PRPS2: variants seen among roughly 807,000 people sequenced by gnomAD.
The protein encoded by PRPS2 is ribose-phosphate pyrophosphokinase 2.
For synonymous variants in PRPS2, 111 were observed against 115.3 expected, an observed-to-expected ratio of 0.96 and a Z score of 0.24; for missense variants, 104 against 271.5, an observed-to-expected ratio of 0.38 and a Z score of 4.34.
At position 12,791,593 on chromosome X, in the gene PRPS2, G is replaced by A; in HGVS notation, c.96G>A (p.Thr32=). The A allele has an allele frequency of 8.4e-7, 1 of 1,188,284 alleles. No individual in the cohort carries two copies. Among genetic ancestry groups the A allele is most frequent in the Non-Finnish European group, 1.1e-6 (1 of 884,636 alleles). The part of the protein sequence containing the change: ...RLGLELGKVV[T]KKFSNQETSV... ...GCCTGGAGCTGGGCAAGGTGGTCACGAAGAAGTTCAGCAACCAGGAGACCA... is the reference window on the plus strand; with the variant it reads ...GCCTGGAGCTGGGCAAGGTGGTCACAAAGAAGTTCAGCAACCAGGAGACCA... Residue 32 remains threonine (T), a synonymous_variant, in exon 1 of 7, where the codon ACG becomes ACA. Coordinates refer to ENST00000380668, the MANE Select transcript of PRPS2 (RefSeq NM_002765.5).
At chrX:12,794,457 T>C (rs2147213263) in intron 1 of PRPS2, among the ~76,000 whole-genome samples, 1 of 112,038 alleles carries the variant, frequency 8.9e-6, no homozygotes, top group African/African-American at 3.2e-5. Flanking sequence ...TTCTGTCATA[T>C]GCTGTTGGGC....
At chrX:12,808,279 A>G (rs1319832383) in intron 2 of PRPS2, among the ~76,000 whole-genome samples, 2 of 81,848 alleles carry the variant, frequency 2.4e-5, no homozygotes, top group African/African-American at 4.5e-5. Flanking sequence ...GTGTTTTTAC[A>G]TGAATATACT....
chrX:12,803,658 C>G (rs762060624), intron 2 of PRPS2, among the ~76,000 whole-genome samples: 2 of 112,339 alleles, frequency 1.8e-5, no homozygotes, highest in East Asian at 5.6e-4. Flanking sequence ...AGGATAATCT[C>G]CCCATCTCAG....
chrX:12,809,405 G>A, intron 3 of PRPS2, 73 bp downstream of exon 3: 1 of 1,026,026 alleles, frequency 9.7e-7, no homozygotes. Context: ...AACATTACTT[G>A]TGTTTGAGTT....
At chrX:12,814,074 G>A (rs1209735899) in intron 4 of PRPS2, among the ~76,000 whole-genome samples, 3 of 82,983 alleles carry the variant, frequency 3.6e-5, no homozygotes, top group African/African-American at 1.6e-4. Context: ...CCCCACCCCC[G>A]ACTCTACTGT....
intron 4 of PRPS2, among the ~76,000 whole-genome samples, chrX:12,815,770 A>G (rs1292580792): frequency 9.0e-6 from 1 of 110,918 alleles, no homozygotes; most frequent in Admixed American, 9.5e-5. Flanking sequence ...CAGCCTCCCA[A>G]GTAGCTGGGG....
intron 4 of PRPS2, among the ~76,000 whole-genome samples, chrX:12,810,691 G>T (rs1411802360): frequency 9.1e-6 from 1 of 110,297 alleles, no homozygotes; most frequent in Non-Finnish European, 1.9e-5. Flanking sequence ...CCCCCATAAA[G>T]AAGGGAGTTA....
chrX:12,817,206 G>C (rs909912264), intron 4 of PRPS2, among the ~76,000 whole-genome samples: 1 of 110,719 alleles, frequency 9.0e-6, no homozygotes, highest in African/African-American at 3.3e-5. Context: ...CTGAATGTTT[G>C]TGGTTTGGTG....
At chrX:12,795,685 G>A (rs942146280) in intron 1 of PRPS2, among the ~76,000 whole-genome samples, 2 of 112,132 alleles carry the variant, frequency 1.8e-5, no homozygotes, top group East Asian at 2.8e-4. Flanking sequence ...CAATGATGAC[G>A]TTAATCCGTT....
chrX:12,813,789 A>G (rs1024922702), intron 4 of PRPS2, among the ~76,000 whole-genome samples: 5 of 111,978 alleles, frequency 4.5e-5, no homozygotes, highest in Non-Finnish European at 7.5e-5. Flanking sequence ...ACGAGATCAC[A>G]GCTGTTTCTC....
At chrX:12,793,678 G>A (rs765947958) in intron 1 of PRPS2, among the ~76,000 whole-genome samples, 16 of 112,130 alleles carry the variant, frequency 1.4e-4, no homozygotes, top group Non-Finnish European at 2.6e-4. Flanking sequence ...CTGTGTAATC[G>A]TAGAGAGGAA....
Position 12,799,398 on chromosome X carries a change from A to G in PRPS2, c.306+8A>G, listed in dbSNP as rs1350379790. ...CAAGATAAAAAGGACAAGGTAGGAG[A>G]GGTGTGTGCCCTAGAAACCTGCTGT... is the stretch of plus-strand genomic sequence containing the variant. On this transcript the variant is annotated splice_region_variant and intron_variant, in intron 2 of 6. Coordinates refer to ENST00000380668, the MANE Select transcript of PRPS2 (RefSeq NM_002765.5). 1 of 1,202,095 alleles carries G rather than the reference A, an allele frequency of 8.3e-7. No homozygotes were observed. The highest frequency in any genetic ancestry group is 1.7e-5 in the African/African-American group (1 of 57,454).
intron 4 of PRPS2, among the ~76,000 whole-genome samples, chrX:12,817,502 C>T (rs966086204): frequency 1.0e-5 from 1 of 99,367 alleles, no homozygotes; most frequent in South Asian, 4.5e-4. Context: ...AAATATTAGC[C>T]GAATAGGTTA....
intron 5 of PRPS2, among the ~76,000 whole-genome samples, 171 bp from the exon 6 acceptor site, chrX:12,820,473 A>G (rs1480721185): frequency 9.0e-6 from 1 of 111,348 alleles, no homozygotes; most frequent in African/African-American, 3.3e-5. Flanking sequence ...AATGGAATAC[A>G]AAGTGTTTTG....
At chrX:12,796,852 A>ATTTTTTTTTT (rs35240522) in intron 1 of PRPS2, among the ~76,000 whole-genome samples, 26 of 34,243 alleles carry the variant, frequency 7.6e-4, no homozygotes, top group Non-Finnish European at 9.2e-4. Flanking sequence ...AGTATTTCAG[A>ATTTTTTTTTT]TTTTTTTTTT....
intron 1 of PRPS2, among the ~76,000 whole-genome samples, chrX:12,796,916 C>G (rs1256282178): frequency 1.2e-5 from 1 of 82,782 alleles, no homozygotes; most frequent in Non-Finnish European, 2.2e-5. Flanking sequence ...ACTGGTTGGA[C>G]ATTCCAAATC....
chrX:12,821,671 C>G (rs6641111), intron 6 of PRPS2, among the ~76,000 whole-genome samples: 18,193 of 110,716 alleles, frequency 0.16, 1,264 homozygotes, highest in East Asian at 0.34. Context: ...TGATCTTAGC[C>G]AGATAGATAA....
At chrX:12,797,335 G>A (rs1400452283) in intron 1 of PRPS2, among the ~76,000 whole-genome samples, 1 of 107,945 alleles carries the variant, frequency 9.3e-6, no homozygotes, top group East Asian at 2.9e-4. Context: ...TCCAGCCTGG[G>A]CAACAGAGTG....
At chrX:12,811,474 C>T (rs2042623844) in intron 4 of PRPS2, among the ~76,000 whole-genome samples, 1 of 111,310 alleles carries the variant, frequency 9.0e-6, no homozygotes. Flanking sequence ...ACCCAATGAC[C>T]TTGTAGAGCT....
Sources: gnomAD v4.1 joint callset for allele counts (sites outside exome capture counted in the v4.1 genomes callset) on GRCh38, gnomAD v4.1.1 for gene constraint, MANE v1.5 for transcripts, NCBI Gene and HGNC (gene_info 2026-07-23, HGNC 2026-07-21) for gene names.